The following CCDC7 variants were observed in gnomAD, a reference collection of about 807,000 sequenced individuals.
CCDC7 encodes the protein coiled-coil domain-containing protein 7.
In CCDC7, 183 loss-of-function variants were observed where a neutral mutation model predicts 196.9. The ratio of observed to expected loss-of-function variants is 0.93; its 90% confidence interval spans 0.82 to 1.05. The LOEUF is 1.05. Ranked by LOEUF, CCDC7 falls within the 50% of genes least tolerant of loss-of-function variation. The pLI is 0.00. For synonymous variants in CCDC7, 525 were observed against 484.6 expected, an observed-to-expected ratio of 1.08 and a Z score of -1.10; for missense variants, 1,540 against 1,482.2, an observed-to-expected ratio of 1.04 and a Z score of -0.64.
At chr10:32,562,281 A>T (rs1160879235) in intron 13 of CCDC7, among the ~76,000 whole-genome samples, 1 of 152,192 alleles carries the variant, frequency 6.6e-6, no homozygotes, top group Admixed American at 6.5e-5. Context: ...AAAAGAGGGA[A>T]TCCTCCCTAA....
At chr10:32,449,922 GAC>G (rs921832908), upstream of CCDC7, among the ~76,000 whole-genome samples, 8 of 152,184 alleles carry the variant, frequency 5.3e-5, no homozygotes, top group African/African-American at 1.4e-4. Context: ...GCTTTCATCA[GAC>G]ACCAACTCTG....
At chr10:32,617,198 A>G (rs2062876726) in intron 18 of CCDC7, among the ~76,000 whole-genome samples, 1 of 151,488 alleles carries the variant, frequency 6.6e-6, no homozygotes, top group South Asian at 2.1e-4. Flanking sequence ...TGATTAGTCT[A>G]CTTAGTTTTT....
chr10:32,680,629 CTT>C (rs55814706), intron 21 of CCDC7, among the ~76,000 whole-genome samples: 21,727 of 152,006 alleles, frequency 0.14, 1,875 homozygotes, highest in African/African-American at 0.25. Context: ...CACATATTTT[CTT>C]ATCTGGGTAA....
chr10:32,874,656 T>G (rs2094540050), intron 41 of CCDC7, among the ~76,000 whole-genome samples: 1 of 148,402 alleles, frequency 6.7e-6, no homozygotes, highest in Non-Finnish European at 1.5e-5. Context: ...CATGTGTGTA[T>G]GTATATATAT....
At chr10:32,655,388 GTTATC>G (rs752564944) in intron 20 of CCDC7, among the ~76,000 whole-genome samples, 71 of 152,218 alleles carry the variant, frequency 4.7e-4, no homozygotes, top group Non-Finnish European at 8.4e-4. Flanking sequence ...CTCACCATTT[GTTATC>G]TTTTGCGTTT....
exon 14 of CCDC7, chr10:32,565,581 G>T (rs148149537): frequency 6.2e-7 from 1 of 1,609,414 alleles, no homozygotes; most frequent in East Asian, 2.2e-5. Flanking sequence ...TGGAAATTGA[G>T]AACAAAGTCC....
At chr10:32,501,789 G>A (rs1275991615) in intron 9 of CCDC7, among the ~76,000 whole-genome samples, 1 of 152,222 alleles carries the variant, frequency 6.6e-6, no homozygotes, top group Non-Finnish European at 1.5e-5. Flanking sequence ...CCTACTGGGA[G>A]GTATCTCCCA....
At chr10:32,647,411 A>C (rs1278519182) in intron 20 of CCDC7, among the ~76,000 whole-genome samples, 1 of 65,092 alleles carries the variant, frequency 1.5e-5, no homozygotes, top group Non-Finnish European at 3.7e-5. Context: ...TGGGAGGCTC[A>C]GGCAGGAAAA....
chr10:32,514,918 A>G, intron 9 of CCDC7, among the ~76,000 whole-genome samples: 1 of 152,288 alleles, frequency 6.6e-6, no homozygotes, highest in Admixed American at 6.5e-5. Flanking sequence ...GCTAACTCCT[A>G]GGCCCAAGGC....
At chr10:32,645,824 T>G (rs2067671636) in intron 20 of CCDC7, among the ~76,000 whole-genome samples, 1 of 152,098 alleles carries the variant, frequency 6.6e-6, no homozygotes, top group African/African-American at 2.4e-5. Flanking sequence ...TTTGTTGGCA[T>G]ATAGTTGTTT....
chr10:32,565,210 C>G (rs1265207983), intron 13 of CCDC7, among the ~76,000 whole-genome samples: 1 of 152,158 alleles, frequency 6.6e-6, no homozygotes, highest in Non-Finnish European at 1.5e-5. Context: ...CTCATTTGCA[C>G]AAAGCCAGAA....
At chr10:32,638,815 C>T (rs151046700) in intron 20 of CCDC7, among the ~76,000 whole-genome samples, 11,489 of 152,224 alleles carry the variant, frequency 0.075, 525 homozygotes, top group East Asian at 0.16. Context: ...GTACCAGCTT[C>T]TCCTTGTACC....
intron 28 of CCDC7, among the ~76,000 whole-genome samples, chr10:32,762,918 A>G (rs1025361520): frequency 2.6e-5 from 4 of 151,922 alleles, no homozygotes; most frequent in African/African-American, 9.7e-5. Flanking sequence ...CTTGAAGAAA[A>G]CATAAGGGAA....
chr10:32,763,249 A>C (rs2077734591), intron 28 of CCDC7, among the ~76,000 whole-genome samples: 1 of 151,990 alleles, frequency 6.6e-6, no homozygotes, highest in South Asian at 2.1e-4. Flanking sequence ...AATGGTCAAC[A>C]GGCATATGAA....
chr10:32,595,698 C>CT (rs1019921230), intron 18 of CCDC7, among the ~76,000 whole-genome samples: 108 of 152,328 alleles, frequency 7.1e-4, no homozygotes, highest in African/African-American at 2.4e-3. Flanking sequence ...AAATTTTTCT[C>CT]TACACACTGC....
At chr10:32,727,851 G>A (rs1182032588) in intron 26 of CCDC7, among the ~76,000 whole-genome samples, 2 of 152,108 alleles carry the variant, frequency 1.3e-5, no homozygotes. Flanking sequence ...ATCAGCAAGA[G>A]TGGCATGAAA....
At chr10:32,588,442 G>T (rs1576989) in intron 18 of CCDC7, among the ~76,000 whole-genome samples, 140,481 of 152,186 alleles carry the variant, frequency 0.92, 65,834 homozygotes, top group East Asian at 1. Flanking sequence ...TCCATTGTTC[G>T]ATTAATGTGG....
chr10:32,618,535 T>A (rs890133205), intron 18 of CCDC7, among the ~76,000 whole-genome samples: 5 of 152,080 alleles, frequency 3.3e-5, no homozygotes, highest in African/African-American at 1.2e-4. Flanking sequence ...AGAAAGACTT[T>A]ATTTTTTCTT....
chr10:32,721,791 G>T (rs972020500), intron 25 of CCDC7, among the ~76,000 whole-genome samples: 1 of 152,054 alleles, frequency 6.6e-6, no homozygotes. Flanking sequence ...GTTTTTGTTT[G>T]GTAGTGTCTG....
Sources: gnomAD v4.1 joint callset for allele counts (sites outside exome capture counted in the v4.1 genomes callset) on GRCh38, gnomAD v4.1.1 for gene constraint, MANE v1.5 for transcripts, NCBI Gene and HGNC (gene_info 2026-07-23, HGNC 2026-07-21) for gene names.